LDB2: variants seen among roughly 807,000 people sequenced by gnomAD.
LDB2 encodes LIM domain binding 2.
A neutral mutation model predicts 44.3 loss-of-function variants in LDB2; 12 were observed. The ratio of observed to expected loss-of-function variants is 0.27; its 90% confidence interval spans 0.17 to 0.44. The LOEUF is 0.44. LDB2 is among the 20% of genes least tolerant of loss of function. The pLI is 1.00. For synonymous variants in LDB2, 164 were observed against 174.8 expected, an observed-to-expected ratio of 0.94 and a Z score of 0.49; for missense variants, 344 against 473.5, an observed-to-expected ratio of 0.73 and a Z score of 2.54.
intron 2 of LDB2, among the ~76,000 whole-genome samples, chr4:16,676,521 G>A (rs112955307): frequency 1.3e-5 from 2 of 152,360 alleles, no homozygotes; most frequent in African/African-American, 4.8e-5. Context: ...ACAATGTCAA[G>A]TGCTGTGGGG....
intron 5 of LDB2, among the ~76,000 whole-genome samples, chr4:16,522,553 A>G (rs1190268185): frequency 6.6e-6 from 1 of 152,236 alleles, no homozygotes; most frequent in East Asian, 1.9e-4. Context: ...ATGTGCAAAT[A>G]CACGATTTTA....
At chr4:16,633,515 G>T (rs1040916909) in intron 2 of LDB2, among the ~76,000 whole-genome samples, 8 of 152,060 alleles carry the variant, frequency 5.3e-5, no homozygotes, top group African/African-American at 1.9e-4. Context: ...ATTCATAATT[G>T]CTACTAAGAG....
At chr4:16,588,621 T>C in intron 4 of LDB2, 89 bp downstream of exon 4, 1 of 1,367,976 alleles carries the variant, frequency 7.3e-7, no homozygotes, top group East Asian at 2.3e-5. Flanking sequence ...TGGAATTCTT[T>C]CACAGAGAGA....
intron 5 of LDB2, among the ~76,000 whole-genome samples, chr4:16,526,580 C>T (rs1470756902): frequency 6.6e-6 from 1 of 152,196 alleles, no homozygotes; most frequent in African/African-American, 2.4e-5. Context: ...TCCATCCATC[C>T]TGTTGGTGAA....
chr4:16,599,169 A>G (rs1056405988), intron 2 of LDB2, among the ~76,000 whole-genome samples: 7 of 152,126 alleles, frequency 4.6e-5, no homozygotes, highest in Admixed American at 2.0e-4. Context: ...CCACAAACTT[A>G]TTATTTCATA....
chr4:16,897,946 G>GTATATATATA (rs35836810), intron 1 of LDB2, among the ~76,000 whole-genome samples: 3 of 27,918 alleles, frequency 1.1e-4, no homozygotes, highest in South Asian at 1.3e-3. Flanking sequence ...ATACACATAT[G>GTATATATATA]TATATATATA....
At chr4:16,766,468 A>ATGTG (rs1218763626) in intron 1 of LDB2, among the ~76,000 whole-genome samples, 2,453 of 41,216 alleles carry the variant, frequency 0.06, 79 homozygotes, top group African/African-American at 0.096. Context: ...ACACACATAT[A>ATGTG]TGTGTGTGTG....
At chr4:16,538,415 C>T (rs1732576592) in intron 5 of LDB2, among the ~76,000 whole-genome samples, 1 of 149,878 alleles carries the variant, frequency 6.7e-6, no homozygotes, top group Non-Finnish European at 1.5e-5. Flanking sequence ...GTCCAACAAG[C>T]AAAAAAACAA....
intron 1 of LDB2, among the ~76,000 whole-genome samples, chr4:16,880,513 A>G (rs553551706): frequency 6.6e-6 from 1 of 152,294 alleles, no homozygotes; most frequent in South Asian, 2.1e-4. Flanking sequence ...AGAGAGGAAC[A>G]GCGCTTGTCT....
At chr4:16,645,430 G>A (rs13132267) in intron 2 of LDB2, among the ~76,000 whole-genome samples, 1 of 151,536 alleles carries the variant, frequency 6.6e-6, no homozygotes, top group Non-Finnish European at 1.5e-5. Flanking sequence ...CCAGCTACTC[G>A]GGAGGCTGAG....
At chr4:16,785,833 G>A (rs1004389878) in intron 1 of LDB2, among the ~76,000 whole-genome samples, 3 of 152,026 alleles carry the variant, frequency 2.0e-5, no homozygotes, top group African/African-American at 7.3e-5. Context: ...GTCCGTTCCT[G>A]GAATCACATT....
intron 1 of LDB2, among the ~76,000 whole-genome samples, chr4:16,867,478 C>A (rs1715092382): frequency 6.6e-6 from 1 of 152,018 alleles, no homozygotes; most frequent in South Asian, 2.1e-4. Flanking sequence ...ATAGCCCATA[C>A]CGGTTATAGA....
chr4:16,787,014 A>T (rs369184800), intron 1 of LDB2, among the ~76,000 whole-genome samples: 3 of 152,266 alleles, frequency 2.0e-5, no homozygotes, highest in African/African-American at 7.2e-5. Flanking sequence ...GGGGGAACCT[A>T]TTGTTGATAT....
At chr4:16,597,185 C>A (rs1347846223) in intron 2 of LDB2, among the ~76,000 whole-genome samples, 2 of 152,064 alleles carry the variant, frequency 1.3e-5, no homozygotes, top group Non-Finnish European at 2.9e-5. Flanking sequence ...AAATACCCTG[C>A]CAAATTGTTT....
At chr4:16,896,180 T>G (rs1258418925) in intron 1 of LDB2, among the ~76,000 whole-genome samples, 1 of 152,152 alleles carries the variant, frequency 6.6e-6, no homozygotes, top group African/African-American at 2.4e-5. Context: ...ATCTTTAAGA[T>G]TTGTCATAGC....
chr4:16,822,157 A>T (rs1782218312), intron 1 of LDB2, among the ~76,000 whole-genome samples: 1 of 152,094 alleles, frequency 6.6e-6, no homozygotes, highest in Admixed American at 6.5e-5. Flanking sequence ...ATACTTGCCT[A>T]TGTACAGCTC....
chr4:16,845,766 T>A (rs1786841744), intron 1 of LDB2, among the ~76,000 whole-genome samples: 1 of 152,090 alleles, frequency 6.6e-6, no homozygotes, highest in Admixed American at 6.5e-5. Context: ...TATGGGGATA[T>A]TAATTAGGAA....
Position 16,511,962 on chromosome 4 carries a change from G to C in LDB2, c.739+19C>G. 9 of 1,606,650 alleles carry C rather than the reference G, an allele frequency of 5.6e-6. No individual in the cohort carries two copies. The highest frequency in any genetic ancestry group is 7.7e-6 in the Non-Finnish European group (9 of 1,176,160). On this transcript the variant is annotated intron_variant, in intron 6 of 7. Transcript: ENST00000304523. ...CTCTGAAAACGTGTTTAGAGAGAGA[G>C]TGAAGAATGAGGGTGTACCTGGCGG...
At chr4:16,842,388 A>G (rs1786055351) in intron 1 of LDB2, among the ~76,000 whole-genome samples, 1 of 152,176 alleles carries the variant, frequency 6.6e-6, no homozygotes, top group Non-Finnish European at 1.5e-5. Flanking sequence ...GAAGAAACTA[A>G]TTTACAAAAT....
Sources: gnomAD v4.1 joint callset for allele counts (sites outside exome capture counted in the v4.1 genomes callset) on GRCh38, gnomAD v4.1.1 for gene constraint, MANE v1.5 for transcripts, NCBI Gene and HGNC (gene_info 2026-07-23, HGNC 2026-07-21) for gene names.